The following CLPS variants were observed in gnomAD, a reference collection of about 807,000 sequenced individuals.
CLPS encodes the protein colipase, pancreatic.
CLPS carries 8 observed loss-of-function variants against 9.3 expected under a neutral mutation model. That is an observed-to-expected ratio of 0.86 (90% CI 0.51 to 1.56). The LOEUF is 1.56. Ranked by LOEUF, CLPS falls within the 40% of genes most tolerant of loss-of-function variation. The pLI is 0.00. For missense variants in CLPS, 144 were observed against 145.7 expected, an observed-to-expected ratio of 0.99 and a Z score of 0.06; for synonymous variants, 61 against 56.2, an observed-to-expected ratio of 1.09 and a Z score of -0.39.
In CLPS at chr6:35,795,776, G is replaced by A. The variant is rs1452100861; in HGVS notation, c.162C>T (p.Ala54=). The A allele has an allele frequency of 1.2e-6, 2 of 1,613,104 alleles. No homozygotes were observed. Among genetic ancestry groups the A allele is most frequent in the Non-Finnish European group, 1.7e-6 (2 of 1,180,038 alleles). Residue 54 remains alanine, a synonymous_variant, in exon 2 of 3, where the codon GCC becomes GCT. Transcript: ENST00000259938. ...TCTCGCTGGCCATGGATGTGCAGCG[G>A]GCCAGGCCCAGCGCACTTGAATGCT... ...CCQHSSALGL[A]RCTSMASENS...
At chr6:35,795,569 G>A (rs1227617812) in intron 2 of CLPS, among the ~76,000 whole-genome samples, 162 bp downstream of exon 2, 1 of 152,046 alleles carries the variant, frequency 6.6e-6, no homozygotes, top group East Asian at 1.9e-4. Flanking sequence ...GGAGGGTCAA[G>A]AGAGATGATG....
At chr6:35,797,045 G>A (rs1275220537) in intron 1 of CLPS, among the ~76,000 whole-genome samples, 160 bp downstream of exon 1, 1 of 152,266 alleles carries the variant, frequency 6.6e-6, no homozygotes, top group Non-Finnish European at 1.5e-5. Context: ...TGGCCTCTGG[G>A]AAGAGGCATA....
intron 1 of CLPS, among the ~76,000 whole-genome samples, chr6:35,796,331 G>C (rs1381069868): frequency 6.6e-6 from 1 of 152,272 alleles, no homozygotes; most frequent in African/African-American, 2.4e-5. Flanking sequence ...CCCAAGTTAA[G>C]AGAGTTCAGA....
Position 35,795,001 on chromosome 6 carries a change from T to G in CLPS, c.*145A>C. 1.7e-6 allele frequency: 2 copies of G among 1,192,510 alleles called. No homozygotes were observed. Among genetic ancestry groups the G allele is most frequent in the Non-Finnish European group, 2.3e-6 (2 of 862,676 alleles). The allele number at this position is 1,192,510 out of a possible 1,614,324, so 73.9% of individuals were successfully genotyped here. A position where few individuals can be genotyped will look rare whatever the true frequency, so the allele number is the denominator to read the frequency against. Reference sequence around the variant, plus strand: ...ACTGGGAAAGGTTTGCAGGAGGCCTTTAATTGTGAAGAGCGCAATCAGAAA... The same window carrying G: ...ACTGGGAAAGGTTTGCAGGAGGCCTGTAATTGTGAAGAGCGCAATCAGAAA... On this transcript the variant is annotated 3_prime_UTR_variant, in exon 3 of 3. Transcript: ENST00000259938.
intron 1 of CLPS, 139 bp downstream of exon 1, chr6:35,797,066 T>A: frequency 1.3e-6 from 1 of 769,928 alleles, no homozygotes; most frequent in Admixed American, 2.4e-5. Flanking sequence ...GGACAGGACA[T>A]GGAAGTAAAC....
chr6:35,795,841 G>C lies in CLPS; in HGVS notation c.97C>G (p.Leu33Val). 1 of 1,612,750 alleles carries C rather than the reference G, an allele frequency of 6.2e-7. No homozygotes were observed. The highest frequency in any genetic ancestry group is 8.5e-7 in the Non-Finnish European group (1 of 1,180,024). Residue 33 changes from leucine to valine, a missense_variant, in exon 2 of 3, where the codon CTC becomes GTC. Transcript: ENST00000259938. ...GIIINLENGE[L>V]CMNSAQCKSN... ...TTACACTGGGCACTATTCATGCAGA[G>C]CTCACCGTTCTCCTGCCAGGAGCAG...
In CLPS at chr6:35,797,273, T is replaced by G. The variant is rs1400478202; in HGVS notation, c.16A>C (p.Ile6Leu). Residue 6 changes from isoleucine (I) to leucine (L), a missense_variant, in exon 1 of 3, where the codon ATC (isoleucine) becomes CTC (leucine). Physicochemically the swap from Ile to Leu is conservative, Grantham distance 5. Transcript: ENST00000259938. MEKILILLLVALSVAY... is the reference protein window; with the variant it reads MEKILLLLLVALSVAY... ...ACAGAGAGGGCGACAAGCAGGAGGA[T>G]CAGGATCTTCTCCATGGTGAGTGGG... 1.9e-6 allele frequency: 3 copies of G among 1,613,708 alleles called. No individual in the cohort carries two copies. Among genetic ancestry groups the G allele is most frequent in the South Asian group, 2.2e-5 (2 of 91,074 alleles).
In CLPS at chr6:35,795,755, G is replaced by A. The variant is rs144552522; in HGVS notation, c.183C>T (p.Ser61=). 1.6e-5 allele frequency: 26 copies of A among 1,612,496 alleles called. No individual in the cohort carries two copies. The highest frequency in any genetic ancestry group is 3.3e-5 in the South Asian group (3 of 91,090). The change falls in exon 2 of 3, where the codon AGC becomes AGT. Residue 61 remains serine, a synonymous_variant. Transcript: ENST00000259938. ...LGLARCTSMA[S]ENSECSVKTL... ...CCTTGACAGAGCACTCGCTGTTCTC[G>A]CTGGCCATGGATGTGCAGCGGGCCA...
chr6:35,795,950 C>T, intron 1 of CLPS, 97 bp from the exon 2 acceptor site: 3 of 1,555,244 alleles, frequency 1.9e-6, no homozygotes, highest in Non-Finnish European at 2.6e-6. Flanking sequence ...CAGTGTCTCC[C>T]CTGGTAGGGA....
At chr6:35,795,317 A>T (rs542376961) in intron 2 of CLPS, 40 bp from the exon 3 acceptor site, 5 of 1,601,938 alleles carry the variant, frequency 3.1e-6, no homozygotes, top group African/African-American at 2.7e-5. Context: ...CTATGGGGAG[A>T]TACTTTGGAC....
chr6:35,795,064 A>T lies in CLPS; in HGVS notation c.*82T>A. On this transcript the variant is annotated 3_prime_UTR_variant, in exon 3 of 3. Coordinates refer to ENST00000259938, the MANE Select transcript of CLPS (RefSeq NM_001832.4). The stretch of plus-strand genomic sequence containing the variant: ...GTCAAGGAGGTGGCCAGCCCGGGAG[A>T]TGCGCTGGAGCAGGGGAGAGATGCC... 5 of 1,544,354 alleles carry T rather than the reference A, an allele frequency of 3.2e-6. No individual in the cohort carries two copies. Among genetic ancestry groups the T allele is most frequent in the Non-Finnish European group, 4.4e-6 (5 of 1,141,246 alleles).
At chr6:35,795,661 T>G in intron 2 of CLPS, 70 bp downstream of exon 2, 1 of 1,585,088 alleles carries the variant, frequency 6.3e-7, no homozygotes, top group Middle Eastern at 1.8e-4. Context: ...CCCTCCCTGA[T>G]CCCACTCACA....
At position 35,795,056 on chromosome 6, in the gene CLPS, C is replaced by T; in HGVS notation, c.*90G>A. On this transcript the variant is annotated 3_prime_UTR_variant, in exon 3 of 3. Coordinates refer to ENST00000259938, the MANE Select transcript of CLPS (RefSeq NM_001832.4). ...ATATGCTGGTCAAGGAGGTGGCCAG[C>T]CCGGGAGATGCGCTGGAGCAGGGGA... 1 of 1,535,346 alleles carries T rather than the reference C, an allele frequency of 6.5e-7. No individual in the cohort carries two copies. The highest frequency in any genetic ancestry group is 2.3e-4 in the Middle Eastern group (1 of 4,292).
At chr6:35,795,896 TC>T in intron 1 of CLPS, 43 bp from the exon 2 acceptor site, 1 of 1,608,350 alleles carries the variant, frequency 6.2e-7, no homozygotes, top group Non-Finnish European at 8.5e-7. Context: ...CTCCCTCAGG[TC>T]CCTTCTCCAT....
intron 2 of CLPS, 24 bp downstream of exon 2, chr6:35,795,707 C>T: frequency 6.2e-7 from 1 of 1,609,452 alleles, no homozygotes; most frequent in Non-Finnish European, 8.5e-7. Context: ...CTCCCCCACC[C>T]ACGCCAAGTC....
chr6:35,797,126 G>T, intron 1 of CLPS, 79 bp downstream of exon 1: 1 of 1,309,782 alleles, frequency 7.6e-7, no homozygotes, highest in Non-Finnish European at 1.1e-6. Context: ...TCCAGGTGGA[G>T]ACATCAGAGG....
At chr6:35,796,319 G>A (rs1220853635) in intron 1 of CLPS, among the ~76,000 whole-genome samples, 1 of 152,262 alleles carries the variant, frequency 6.6e-6, no homozygotes. Flanking sequence ...TCCAGCCATG[G>A]CCCCAAGTTA....
At position 35,795,851 on chromosome 6, in the gene CLPS, C is replaced by A. The variant is rs1473812421; in HGVS notation, c.87G>T (p.Glu29Asp). Residue 29 changes from glutamate (E) to aspartate (D), a missense_variant and splice_region_variant, in exon 2 of 3, where the codon GAG becomes GAT. Coordinates refer to ENST00000259938, the MANE Select transcript of CLPS (RefSeq NM_001832.4). ...CACTATTCATGCAGAGCTCACCGTT[C>A]TCCTGCCAGGAGCAGCCAGTCAGCC... ...PGPRGIIINL[E>D]NGELCMNSAQ... is the part of the protein sequence containing the mutation. The A allele has an allele frequency of 6.2e-7, 1 of 1,612,422 alleles. No individual in the cohort carries two copies. Among genetic ancestry groups the A allele is most frequent in the African/African-American group, 1.3e-5 (1 of 75,086 alleles).
chr6:35,795,403 TC>T (rs1381538250), intron 2 of CLPS, 126 bp from the exon 3 acceptor site: 1 of 1,395,050 alleles, frequency 7.2e-7, no homozygotes, highest in East Asian at 2.4e-5. Flanking sequence ...CCCACCTGCC[TC>T]CCCAGGGGTG....
Sources: allele counts gnomAD v4.1 joint callset (sites outside exome capture counted in the v4.1 genomes callset), GRCh38; gene constraint gnomAD v4.1.1; transcripts MANE v1.5; gene names NCBI Gene and HGNC (gene_info 2026-07-23, HGNC 2026-07-21).